Variants in NCKAP5 observed in about 807,000 individuals in gnomAD.
NCKAP5 encodes NCK associated protein 5.
Under a neutral mutation model 167.0 loss-of-function variants are expected in NCKAP5, and 92 were observed. That is an observed-to-expected ratio of 0.55 (90% confidence interval 0.47 to 0.66). The LOEUF (loss-of-function observed/expected upper bound fraction) is 0.66, where lower values mean the gene tolerates loss of function less well. Among genes scored for constraint, NCKAP5 ranks in the 30% least tolerant of loss-of-function variants. NCKAP5 has a pLI of 0.00. For synonymous variants in NCKAP5, 891 were observed against 877.4 expected (o/e 1.02, Z -0.27); for missense variants, 2,378 against 2,315.0 (o/e 1.03, Z -0.56).
intron 3 of NCKAP5, among the ~76,000 whole-genome samples, chr2:133,336,504 T>G (rs77362965): frequency 6.6e-6 from 1 of 152,202 alleles, no homozygotes; most frequent in African/African-American, 2.4e-5. Context: ...AAAAGAAAGT[T>G]AATGCCTTCA....
intron 8 of NCKAP5, among the ~76,000 whole-genome samples, chr2:132,920,445 G>T (rs1329841469): frequency 6.6e-6 from 1 of 151,178 alleles, no homozygotes; most frequent in Non-Finnish European, 1.5e-5. Flanking sequence ...AAAAAGTTAG[G>T]CAGAGAAAAA....
At chr2:133,018,507 T>G (rs1412323729) in intron 6 of NCKAP5, among the ~76,000 whole-genome samples, 1 of 152,210 alleles carries the variant, frequency 6.6e-6, no homozygotes, top group Non-Finnish European at 1.5e-5. Flanking sequence ...ATCTACTACT[T>G]AGATTTCATA....
intron 3 of NCKAP5, among the ~76,000 whole-genome samples, chr2:133,338,891 T>G (rs1456356096): frequency 6.6e-6 from 1 of 151,834 alleles, no homozygotes; most frequent in Non-Finnish European, 1.5e-5. Flanking sequence ...GTGGTGGTGG[T>G]CACCTGTAAT....
At chr2:132,920,767 G>GTGTGTGTATATA (rs1558943158) in intron 8 of NCKAP5, among the ~76,000 whole-genome samples, 5 of 31,248 alleles carry the variant, frequency 1.6e-4, no homozygotes, top group Non-Finnish European at 3.4e-4. Flanking sequence ...GTATATATAT[G>GTGTGTGTATATA]TATGTATATA....
chr2:133,016,501 G>A (rs896417376), intron 6 of NCKAP5, among the ~76,000 whole-genome samples: 4 of 152,156 alleles, frequency 2.6e-5, no homozygotes, highest in African/African-American at 9.7e-5. Flanking sequence ...AAGAGATTTG[G>A]AATGTTCTTT....
chr2:132,976,890 G>A (rs2076993151), intron 7 of NCKAP5, among the ~76,000 whole-genome samples: 1 of 152,008 alleles, frequency 6.6e-6, no homozygotes, highest in Non-Finnish European at 1.5e-5. Context: ...TCATTTTTGT[G>A]TGTGTGTGGC....
chr2:132,985,466 T>C (rs1208435328), intron 7 of NCKAP5, among the ~76,000 whole-genome samples: 2 of 152,222 alleles, frequency 1.3e-5, no homozygotes, highest in Non-Finnish European at 2.9e-5. Flanking sequence ...TTTTGAAAAC[T>C]TCTGGATATC....
chr2:133,133,524 G>A (rs886382397), intron 5 of NCKAP5, among the ~76,000 whole-genome samples: 5 of 152,186 alleles, frequency 3.3e-5, no homozygotes, highest in African/African-American at 1.2e-4. Context: ...TTACATACAT[G>A]TTCAACAAAA....
intron 15 of NCKAP5, among the ~76,000 whole-genome samples, chr2:132,778,258 T>A (rs1036679672): frequency 4.6e-5 from 7 of 152,088 alleles, no homozygotes; most frequent in Non-Finnish European, 1.0e-4. Flanking sequence ...CTAAGTGGTC[T>A]ATAAACAATG....
At chr2:133,121,427 G>A (rs1559159944) in intron 6 of NCKAP5, among the ~76,000 whole-genome samples, 1 of 152,144 alleles carries the variant, frequency 6.6e-6, no homozygotes, top group Non-Finnish European at 1.5e-5. Context: ...GATAAAGGTT[G>A]AGGCTGAGAA....
At chr2:133,263,785 A>G (rs1310738423) in intron 4 of NCKAP5, among the ~76,000 whole-genome samples, 3 of 152,190 alleles carry the variant, frequency 2.0e-5, no homozygotes, top group African/African-American at 7.2e-5. Context: ...GGTAAAAATG[A>G]CCAAAACCTT....
intron 3 of NCKAP5, among the ~76,000 whole-genome samples, chr2:133,476,007 CCAGA>C (rs1412096231): frequency 3.3e-5 from 5 of 151,882 alleles, no homozygotes; most frequent in East Asian, 1.9e-4. Flanking sequence ...CTGTACTGTG[CCAGA>C]CAAAGAAGAA....
At chr2:132,865,437 T>C (rs955091927) in intron 10 of NCKAP5, among the ~76,000 whole-genome samples, 2 of 152,146 alleles carry the variant, frequency 1.3e-5, no homozygotes, top group Admixed American at 1.3e-4. Context: ...AATTGGGGAA[T>C]TTGGGAGTTA....
At chr2:133,435,960 A>C (rs1278846954) in intron 3 of NCKAP5, among the ~76,000 whole-genome samples, 1 of 152,160 alleles carries the variant, frequency 6.6e-6, no homozygotes, top group Admixed American at 6.5e-5. Context: ...TCCTTTATAA[A>C]ATAGTTACTC....
chr2:132,722,690 G>C (rs67180177), intron 19 of NCKAP5, among the ~76,000 whole-genome samples: 19,741 of 151,992 alleles, frequency 0.13, 1,414 homozygotes, highest in East Asian at 0.16. Context: ...GCATGTCCAC[G>C]CAGAACTCCC....
chr2:132,692,890 A>G (rs1004228479), intron 19 of NCKAP5, among the ~76,000 whole-genome samples: 1 of 152,174 alleles, frequency 6.6e-6, no homozygotes, highest in African/African-American at 2.4e-5. Flanking sequence ...CATGGTACCT[A>G]TGTTCAGTGC....
chr2:132,784,049 T>G lies in NCKAP5; in HGVS notation c.2762A>C (p.Glu921Ala), dbSNP rs369119868. Reference sequence around the variant, plus strand: ...AGGGGAAGGGGATTTCACCCCTGCCTCCGGCCCAGAGCCACAGTGTTCATC... The same window carrying G: ...AGGGGAAGGGGATTTCACCCCTGCCGCCGGCCCAGAGCCACAGTGTTCATC... ...TRDEHCGSGP[E>A]AGVKSPSPPP... Residue 921 changes from glutamate to alanine, a missense_variant, in exon 14 of 20, where the codon GAG (glutamate) becomes GCG (alanine). Coordinates refer to ENST00000409261, the MANE Select transcript of NCKAP5 (RefSeq NM_207363.3). 1 of 1,535,278 alleles carries G rather than the reference T, an allele frequency of 6.5e-7. No homozygotes were observed. Among genetic ancestry groups the G allele is most frequent in the African/African-American group, 1.4e-5 (1 of 72,116 alleles).
At chr2:132,852,210 T>C (rs2105488047) in intron 11 of NCKAP5, among the ~76,000 whole-genome samples, 1 of 152,324 alleles carries the variant, frequency 6.6e-6, no homozygotes, top group South Asian at 2.1e-4. Flanking sequence ...CAAAATTTAC[T>C]AAATTCAGGA....
chr2:133,386,890 T>A (rs57461056), intron 3 of NCKAP5, among the ~76,000 whole-genome samples: 45,319 of 151,838 alleles, frequency 0.3, 7,411 homozygotes, highest in African/African-American at 0.44. Flanking sequence ...TTTGTTTTCC[T>A]TTTGCTTGGT....
Sources: allele counts gnomAD v4.1 joint callset (sites outside exome capture counted in the v4.1 genomes callset), GRCh38; gene constraint gnomAD v4.1.1; transcripts MANE v1.5; gene names NCBI Gene and HGNC (gene_info 2026-07-23, HGNC 2026-07-21).